MAGI1: variants seen among roughly 807,000 people sequenced by gnomAD.
MAGI1 encodes membrane-associated guanylate kinase, WW and PDZ domain-containing protein 1.
Under a neutral mutation model 139.9 loss-of-function variants are expected in MAGI1, and 58 were observed. The observed-to-expected ratio is 0.41, with a 90% confidence interval of 0.34 to 0.52. The LOEUF (loss-of-function observed/expected upper bound fraction) is 0.52. Ranked by LOEUF, MAGI1 falls within the 20% of genes least tolerant of loss-of-function variation. MAGI1 has a pLI of 0.12. For synonymous variants in MAGI1, 812 were observed against 737.9 expected (o/e 1.10, Z -1.63); for missense variants, 1,874 against 1,901.6 (o/e 0.99, Z 0.27).
chr3:65,611,962 A>G (rs1303678271), intron 2 of MAGI1, among the ~76,000 whole-genome samples: 1 of 151,952 alleles, frequency 6.6e-6, no homozygotes, highest in Non-Finnish European at 1.5e-5. Flanking sequence ...TATAATGAAA[A>G]CACTTAGCAT....
intron 2 of MAGI1, among the ~76,000 whole-genome samples, chr3:65,577,145 A>G (rs1052608062): frequency 1.3e-5 from 2 of 152,320 alleles, no homozygotes; most frequent in South Asian, 4.1e-4. Context: ...CATTTTACTC[A>G]GGGTTTCTAT....
intron 1 of MAGI1, among the ~76,000 whole-genome samples, chr3:66,020,871 C>T (rs1057228347): frequency 5.3e-5 from 8 of 152,086 alleles, no homozygotes; most frequent in African/African-American, 1.5e-4. Flanking sequence ...AAAACATCAC[C>T]CCTAACCTAC....
At position 65,391,193 on chromosome 3, in the gene MAGI1, G is replaced by A. The variant is rs770193154; in HGVS notation, c.2365C>T (p.Pro789Ser). 6.2e-7 allele frequency: 1 copy of A among 1,614,210 alleles called. No individual in the cohort carries two copies. Among genetic ancestry groups the A allele is most frequent in the African/African-American group, 1.3e-5 (1 of 75,058 alleles). The change falls in exon 14 of 23, where the codon CCA (proline) becomes TCA (serine). Residue 789 changes from proline to serine, a missense_variant. Pro to Ser is a moderately conservative substitution (Grantham distance 74). Around this residue, in one of 5 missense-constraint regions of MAGI1, gnomAD observed 482 missense variants for 509.6 expected, o/e 0.95. Coordinates refer to ENST00000402939, the MANE Select transcript of MAGI1 (RefSeq NM_001033057.2). The part of the protein sequence containing the change: ...DQTDSSGQKK[P>S]DPFKIWAQSR... ...TGGGCCCAGATTTTAAAAGGATCTG[G>A]TTTTTTCTGGCCAGAGCTGTCAGTT...
intron 2 of MAGI1, among the ~76,000 whole-genome samples, chr3:65,568,194 G>C (rs2080765344): frequency 6.6e-6 from 1 of 152,196 alleles, no homozygotes; most frequent in South Asian, 2.1e-4. Context: ...GAGCAGGCAA[G>C]GCACTTGTTG....
chr3:65,620,020 T>C (rs2083581735), intron 2 of MAGI1: 1 of 984,710 alleles, frequency 1.0e-6, no homozygotes, highest in South Asian at 4.7e-5. Context: ...TCCTACATAG[T>C]GGTAAGCTTA....
At chr3:65,940,869 A>C (rs1576171573) in intron 1 of MAGI1, among the ~76,000 whole-genome samples, 1 of 152,194 alleles carries the variant, frequency 6.6e-6, no homozygotes, top group East Asian at 1.9e-4. Flanking sequence ...ACAAACCCCA[A>C]ACCTTAAACC....
At chr3:65,427,139 T>G (rs1241286194) in intron 12 of MAGI1, among the ~76,000 whole-genome samples, 2 of 151,886 alleles carry the variant, frequency 1.3e-5, no homozygotes, top group African/African-American at 4.8e-5. Flanking sequence ...CATGGAGAAA[T>G]CATTTCTACT....
chr3:65,960,098 C>T lies in MAGI1; in HGVS notation c.313+77898G>A, dbSNP rs565673472. Among the ~76,000 whole-genome samples, 11 of 152,086 alleles carry T rather than the reference C, an allele frequency of 7.2e-5. No homozygotes were observed. In the East Asian group the frequency reaches 9.7e-4, roughly 13 times the overall value. ...TTGAGATTACAGGTGTGAGCCACCG[C>T]GCCCGGCCAATAAATTCTCTTTTAA... On this transcript the variant is annotated intron_variant, in intron 1 of 22. Coordinates refer to ENST00000402939, the MANE Select transcript of MAGI1 (RefSeq NM_001033057.2).
chr3:65,589,622 T>A (rs151204024), intron 2 of MAGI1, among the ~76,000 whole-genome samples: 1 of 152,084 alleles, frequency 6.6e-6, no homozygotes, highest in Non-Finnish European at 1.5e-5. Context: ...AAGGGTCAGA[T>A]AATAAATAGA....
At chr3:65,925,565 A>G (rs1239904246) in intron 1 of MAGI1, among the ~76,000 whole-genome samples, 1 of 152,260 alleles carries the variant, frequency 6.6e-6, no homozygotes, top group Admixed American at 6.5e-5. Flanking sequence ...TCTATAACCT[A>G]GAACACTAAA....
chr3:65,505,036 T>G (rs1559616317), intron 2 of MAGI1, among the ~76,000 whole-genome samples: 1 of 152,328 alleles, frequency 6.6e-6, no homozygotes, highest in Admixed American at 6.5e-5. Flanking sequence ...TTTTGAGGAT[T>G]ATCCTTGAAG....
intron 2 of MAGI1, among the ~76,000 whole-genome samples, chr3:65,539,483 T>C (rs2079112635): frequency 1.3e-5 from 2 of 152,284 alleles, no homozygotes; most frequent in South Asian, 4.2e-4. Context: ...CAAGCAACCA[T>C]CTGAAATGGA....
intron 13 of MAGI1, among the ~76,000 whole-genome samples, chr3:65,392,262 T>C (rs1001657889): frequency 6.6e-6 from 1 of 152,198 alleles, no homozygotes; most frequent in African/African-American, 2.4e-5. Flanking sequence ...TAAGACCTAA[T>C]GGAAAGGAAA....
At chr3:65,942,628 G>T (rs2063364388) in intron 1 of MAGI1, among the ~76,000 whole-genome samples, 6 of 152,204 alleles carry the variant, frequency 3.9e-5, no homozygotes, top group African/African-American at 1.4e-4. Context: ...CAGAATGTTA[G>T]CAAGTGCCTC....
chr3:65,734,483 G>A (rs1437660790), intron 1 of MAGI1, among the ~76,000 whole-genome samples: 2 of 146,578 alleles, frequency 1.4e-5, no homozygotes, highest in African/African-American at 2.5e-5. Flanking sequence ...AGAAAGAAGA[G>A]AAAGAAAGAG....
At chr3:65,895,720 T>A (rs551412280) in intron 1 of MAGI1, among the ~76,000 whole-genome samples, 3 of 152,158 alleles carry the variant, frequency 2.0e-5, no homozygotes, top group African/African-American at 7.2e-5. Context: ...CAAACTTACG[T>A]CAGTTACCCT....
chr3:65,439,850 A>C (rs758734181), intron 9 of MAGI1, 29 bp downstream of exon 9: 7 of 1,607,822 alleles, frequency 4.4e-6, no homozygotes, highest in Non-Finnish European at 3.4e-6. Flanking sequence ...TCCCCTGATC[A>C]AGAAAAAGCC....
intron 1 of MAGI1, among the ~76,000 whole-genome samples, chr3:65,692,342 A>T (rs1376858027): frequency 2.0e-5 from 3 of 152,206 alleles, no homozygotes; most frequent in Non-Finnish European, 4.4e-5. Flanking sequence ...TGCTGATGGC[A>T]TACTCTGGGT....
chr3:65,934,335 G>A (rs964701655), intron 1 of MAGI1, among the ~76,000 whole-genome samples: 2 of 151,416 alleles, frequency 1.3e-5, no homozygotes, highest in African/African-American at 4.9e-5. Flanking sequence ...GGCCTCCAGG[G>A]ATCCTCCTGT....
Sources: allele counts gnomAD v4.1 joint callset (sites outside exome capture counted in the v4.1 genomes callset), GRCh38; gene constraint gnomAD v4.1.1; regional missense constraint gnomAD v4.1.1; transcripts MANE v1.5; gene names NCBI Gene and HGNC (gene_info 2026-07-23, HGNC 2026-07-21).